Variants in SHLD1 observed in about 807,000 individuals in gnomAD.
The protein encoded by SHLD1 is RINN1-REV7-interacting novel NHEJ regulator 3.
In SHLD1, 3 loss-of-function variants were observed where a neutral mutation model predicts 5.5. That is an observed-to-expected ratio of 0.54 (90% CI 0.25 to 1.40). The LOEUF is 1.40. SHLD1 is among the 40% of genes most tolerant of loss of function. SHLD1 has a pLI of 0.15. For synonymous variants in SHLD1, 92 were observed against 94.3 expected (o/e 0.98, Z 0.14); for missense variants, 210 against 244.4 (o/e 0.86, Z 0.94).
intron 2 of SHLD1, among the ~76,000 whole-genome samples, chr20:5,774,248 A>AT (rs753091205): frequency 2.6e-5 from 4 of 152,064 alleles, no homozygotes; most frequent in Non-Finnish European, 5.9e-5. Context: ...ACAAATCCAA[A>AT]TATATATTTT....
At chr20:5,751,177 AGTATACTTTCTGTCT>A (rs1909218463) in intron 1 of SHLD1, among the ~76,000 whole-genome samples, 1 of 152,216 alleles carries the variant, frequency 6.6e-6, no homozygotes, top group African/African-American at 2.4e-5. Flanking sequence ...GACAATTGCT[AGTATACTTTCTGTCT>A]GTATAGCCTT....
At chr20:5,827,946 C>T (rs2087685629) in intron 2 of SHLD1, among the ~76,000 whole-genome samples, 1 of 152,160 alleles carries the variant, frequency 6.6e-6, no homozygotes, top group Non-Finnish European at 1.5e-5. Context: ...TTTGTGGTAC[C>T]TCCAAGTAGT....
At chr20:5,836,985 G>A (rs2087796648) in intron 2 of SHLD1, among the ~76,000 whole-genome samples, 1 of 152,180 alleles carries the variant, frequency 6.6e-6, no homozygotes, top group South Asian at 2.1e-4. Context: ...GGGCAATGGG[G>A]CAGAGGAAGG....
At chr20:5,783,874 G>T (rs889432882) in intron 2 of SHLD1, among the ~76,000 whole-genome samples, 1 of 152,118 alleles carries the variant, frequency 6.6e-6, no homozygotes, top group Non-Finnish European at 1.5e-5. Flanking sequence ...CTAAGCGGCC[G>T]GGTGCGGTGG....
At chr20:5,752,617 T>G (rs1360805676) in intron 1 of SHLD1, among the ~76,000 whole-genome samples, 1 of 145,370 alleles carries the variant, frequency 6.9e-6, no homozygotes, top group Non-Finnish European at 1.5e-5. Context: ...ATTTTGGGGT[T>G]TTTTTTTTTT....
chr20:5,809,560 G>A (rs1250780852), intron 2 of SHLD1, among the ~76,000 whole-genome samples: 2 of 152,020 alleles, frequency 1.3e-5, no homozygotes, highest in Non-Finnish European at 2.9e-5. Context: ...TCCAGCTCTA[G>A]CTGGATGAAT....
chr20:5,845,620 C>T (rs2087923977), intron 2 of SHLD1, among the ~76,000 whole-genome samples: 2 of 152,224 alleles, frequency 1.3e-5, no homozygotes, highest in Admixed American at 1.3e-4. Flanking sequence ...TGAGAACCAG[C>T]ATGTGTAACA....
chr20:5,848,432 T>A (rs55770247), intron 2 of SHLD1, among the ~76,000 whole-genome samples: 13,067 of 152,212 alleles, frequency 0.086, 589 homozygotes, highest in East Asian at 0.098. Flanking sequence ...GGCACAAGAA[T>A]CACTTGAACC....
In SHLD1 at chr20:5,834,471, TTTTG is replaced by T. The variant is rs917822683; in HGVS notation, c.179-28549_179-28546del. Among the ~76,000 whole-genome samples the T allele has an allele frequency of 1.3e-3, 197 of 152,342 alleles. 2 individuals carry two copies. The highest frequency in any genetic ancestry group is 4.7e-3 in the African/African-American group (195 of 41,574). Reference sequence around the variant, plus strand: ...TGAGCTGAGTCAAGTAGCATTCTTTTTTTGTTTTTTTAATTAAAAGTACTTGTCC... The same window carrying T: ...TGAGCTGAGTCAAGTAGCATTCTTTTTTTTTTTAATTAAAAGTACTTGTCC... On this transcript the variant is annotated intron_variant, in intron 2 of 2. Transcript: ENST00000303142.
intron 2 of SHLD1, among the ~76,000 whole-genome samples, chr20:5,810,681 A>G (rs1297493110): frequency 6.6e-6 from 1 of 150,892 alleles, no homozygotes; most frequent in Non-Finnish European, 1.5e-5. Flanking sequence ...ATCACTTGAG[A>G]TCAAGAGTTT....
chr20:5,800,853 GTGTGCGTA>G (rs1198514016), intron 2 of SHLD1, among the ~76,000 whole-genome samples: 1 of 40,070 alleles, frequency 2.5e-5, no homozygotes, highest in African/African-American at 6.9e-5. Flanking sequence ...GTGTGTGTGT[GTGTGCGTA>G]TGTCTATATC....
rs374937142 is a variant in SHLD1, at chr20:5,804,082, G to A, written c.178+31039G>A. ...TGTTAGCACTTTGAGATGCCGAGGCGGGCAGATCACTTGAGGCCAGGAGTT... is the reference window on the plus strand; with the variant it reads ...TGTTAGCACTTTGAGATGCCGAGGCAGGCAGATCACTTGAGGCCAGGAGTT... On this transcript the variant is annotated intron_variant, in intron 2 of 2. Transcript: ENST00000303142. 2.1e-4 allele frequency among the ~76,000 whole-genome samples: 32 copies of A among 151,630 alleles called. 2 individuals carry two copies. The highest frequency in any genetic ancestry group is 9.2e-4 in the Admixed American group (14 of 15,172).
chr20:5,765,093 G>A (rs1436446112), intron 1 of SHLD1: 1 of 148,082 alleles, frequency 6.8e-6, no homozygotes. Flanking sequence ...TTTTTTTACA[G>A]ACAAGGTCTT....
chr20:5,799,325 G>T (rs2087257905), intron 2 of SHLD1, among the ~76,000 whole-genome samples: 1 of 151,498 alleles, frequency 6.6e-6, no homozygotes, highest in African/African-American at 2.4e-5. Context: ...TTTTGAGCCA[G>T]GGTCTCACTT....
At chr20:5,827,793 G>A (rs994970122) in intron 2 of SHLD1, among the ~76,000 whole-genome samples, 2 of 152,134 alleles carry the variant, frequency 1.3e-5, no homozygotes, top group African/African-American at 2.4e-5. Context: ...CGGCTGATTC[G>A]ACACGTACTT....
At position 5,844,797 on chromosome 20, in the gene SHLD1, A is replaced by ATTTT. The variant is rs1332769444; in HGVS notation, c.179-18226_179-18225insTTTT. Reference sequence around the variant, plus strand: ...TATATATATATATATATATATATATATATTTTTTTTTTTTTGAGACACAGT... The same window carrying ATTTT: ...TATATATATATATATATATATATATATTTTTATTTTTTTTTTTTTGAGACACAGT... On this transcript the variant is annotated intron_variant, in intron 2 of 2. Transcript: ENST00000303142. Among the ~76,000 whole-genome samples, 36 of 95,180 alleles carry ATTTT rather than the reference A, an allele frequency of 3.8e-4. 1 individual carries two copies. Among genetic ancestry groups the ATTTT allele is most frequent in the East Asian group, 2.6e-3 (8 of 3,070 alleles). 62.4% of individuals were successfully genotyped at this position (95,180 alleles called of 152,430 possible). A position where few individuals can be genotyped will look rare whatever the true frequency, so the allele number is the denominator to read the frequency against.
At chr20:5,776,390 T>C (rs980729276) in intron 2 of SHLD1, among the ~76,000 whole-genome samples, 1 of 152,198 alleles carries the variant, frequency 6.6e-6, no homozygotes, top group African/African-American at 2.4e-5. Context: ...TGTGTCCTCA[T>C]ATGGCCTAGA....
At chr20:5,791,156 T>C (rs1217636995) in intron 2 of SHLD1, among the ~76,000 whole-genome samples, 1 of 152,084 alleles carries the variant, frequency 6.6e-6, no homozygotes, top group Admixed American at 6.6e-5. Flanking sequence ...GAGAAATACC[T>C]TATTTGACAA....
chr20:5,765,055 A>G (rs917259495), intron 1 of SHLD1: 5 of 152,004 alleles, frequency 3.3e-5, no homozygotes, highest in African/African-American at 9.7e-5. Context: ...GTATTGAAAA[A>G]GAATGTTTAT....
Sources: allele counts gnomAD v4.1 joint callset (sites outside exome capture counted in the v4.1 genomes callset), GRCh38; gene constraint gnomAD v4.1.1; transcripts MANE v1.5; gene names NCBI Gene and HGNC (gene_info 2026-07-23, HGNC 2026-07-21).